PRDM10: variants seen among roughly 807,000 people sequenced by gnomAD.
The protein encoded by PRDM10 is PR/SET domain 10, also known as PR domain zinc finger protein 10.
Under a neutral mutation model 133.1 loss-of-function variants are expected in PRDM10, and 65 were observed. That is an observed-to-expected ratio of 0.49 (90% CI 0.40 to 0.60). PRDM10 has a LOEUF of 0.60. Ranked by LOEUF, PRDM10 falls within the 20% of genes least tolerant of loss-of-function variation. PRDM10 has a pLI of 0.00. For synonymous variants in PRDM10, 582 were observed against 580.4 expected (o/e 1.00, Z -0.04); for missense variants, 1,137 against 1,507.1 (o/e 0.75, Z 4.07).
At chr11:129,910,749 T>C in intron 18 of PRDM10, 93 bp from the exon 19 acceptor site, 1 of 1,129,928 alleles carries the variant, frequency 8.9e-7, no homozygotes, top group Non-Finnish European at 1.2e-6. Context: ...CAGACTCATA[T>C]GAATTATAAT....
At chr11:129,997,927 C>T (rs933622656) in intron 1 of PRDM10, among the ~76,000 whole-genome samples, 1 of 152,188 alleles carries the variant, frequency 6.6e-6, no homozygotes, top group Non-Finnish European at 1.5e-5. Context: ...AGTATCTTTT[C>T]ATTCAAATTA....
chr11:130,002,337 A>T (rs1024570165), intron 1 of PRDM10, among the ~76,000 whole-genome samples: 1 of 151,752 alleles, frequency 6.6e-6, no homozygotes, highest in African/African-American at 2.4e-5. Flanking sequence ...TCGCAGGGGG[A>T]GGCTGCGCGC....
intron 1 of PRDM10, among the ~76,000 whole-genome samples, chr11:129,982,086 C>G (rs1303185501): frequency 2.6e-5 from 4 of 151,712 alleles, no homozygotes; most frequent in African/African-American, 9.7e-5. Flanking sequence ...AACAAAACCC[C>G]GTCTCTACAA....
At chr11:129,941,113 T>C (rs1951190599) in intron 7 of PRDM10, among the ~76,000 whole-genome samples, 1 of 152,220 alleles carries the variant, frequency 6.6e-6, no homozygotes, top group African/African-American at 2.4e-5. Flanking sequence ...TGCATACCTT[T>C]TGAACAAAAT....
intron 15 of PRDM10, among the ~76,000 whole-genome samples, chr11:129,916,165 A>C (rs1591588673): frequency 6.6e-6 from 1 of 152,326 alleles, no homozygotes; most frequent in East Asian, 1.9e-4. Flanking sequence ...ACAGAGGAAG[A>C]TAATTGTTTT....
chr11:129,925,765 G>A (rs914776994), intron 11 of PRDM10, among the ~76,000 whole-genome samples: 7 of 152,164 alleles, frequency 4.6e-5, no homozygotes, highest in Admixed American at 2.6e-4. Flanking sequence ...CCTTGCCAGC[G>A]GCAGGATGGA....
chr11:129,969,531 T>G (rs147876787), intron 1 of PRDM10, among the ~76,000 whole-genome samples: 60 of 151,874 alleles, frequency 4.0e-4, no homozygotes, highest in Non-Finnish European at 1.5e-4. Context: ...CAGTGGCTCA[T>G]GCCTGTAATC....
chr11:129,998,630 C>T (rs1939184281), intron 1 of PRDM10, among the ~76,000 whole-genome samples: 1 of 152,142 alleles, frequency 6.6e-6, no homozygotes, highest in African/African-American at 2.4e-5. Flanking sequence ...TCCACTTCCT[C>T]ACCCGCTCCC....
chr11:130,000,425 A>C (rs1314861652), intron 1 of PRDM10, among the ~76,000 whole-genome samples: 1 of 152,208 alleles, frequency 6.6e-6, no homozygotes, highest in African/African-American at 2.4e-5. Context: ...AAACTTAGGT[A>C]GTGCCAATCA....
chr11:129,990,142 A>G (rs1938648510), intron 1 of PRDM10, among the ~76,000 whole-genome samples: 1 of 151,824 alleles, frequency 6.6e-6, no homozygotes, highest in East Asian at 1.9e-4. Context: ...TCAGGAGATC[A>G]AGACCATCCT....
chr11:129,946,590 C>T (rs973250775), intron 5 of PRDM10, among the ~76,000 whole-genome samples: 8 of 152,092 alleles, frequency 5.3e-5, no homozygotes, highest in African/African-American at 1.7e-4. Context: ...AGGGCGCTGC[C>T]GAGGGGCCAG....
chr11:129,939,368 T>C (rs573122278), intron 7 of PRDM10, among the ~76,000 whole-genome samples: 19 of 152,370 alleles, frequency 1.2e-4, no homozygotes, highest in South Asian at 1.0e-3. Context: ...TGTGGAATAA[T>C]AGTCTACATA....
chr11:129,990,390 C>T (rs780216603), intron 1 of PRDM10, among the ~76,000 whole-genome samples: 4 of 151,546 alleles, frequency 2.6e-5, no homozygotes, highest in Admixed American at 2.0e-4. Context: ...GGCGTGGTGG[C>T]GCATGCCTGT....
Position 129,998,892 on chromosome 11 carries a change from G to A in PRDM10, c.-119+3830C>T, listed in dbSNP as rs1377670803. On this transcript the variant is annotated intron_variant, in intron 1 of 20. Transcript: ENST00000360871. ...GGCTGGAGTGCAGTGGCGTGATCTC[G>A]GCTCACTGCAGCCGCTACTTCCGGG... is the stretch of plus-strand genomic sequence containing the variant. 2.0e-5 allele frequency among the ~76,000 whole-genome samples: 3 copies of A among 149,608 alleles called. No homozygotes were observed. In the East Asian group the frequency reaches 5.9e-4, roughly 29 times the overall value.
intron 1 of PRDM10, among the ~76,000 whole-genome samples, chr11:129,984,600 T>C (rs1438334744): frequency 6.6e-6 from 1 of 151,768 alleles, no homozygotes; most frequent in Non-Finnish European, 1.5e-5. Flanking sequence ...AATCCAGCGC[T>C]CCCCCACAGC....
intron 1 of PRDM10, among the ~76,000 whole-genome samples, chr11:129,973,968 T>G (rs1937630066): frequency 6.6e-6 from 1 of 152,242 alleles, no homozygotes; most frequent in Admixed American, 6.5e-5. Flanking sequence ...GCATTCTGCA[T>G]TCCCAGCGCG....
At chr11:129,968,766 C>A (rs1951956835) in intron 1 of PRDM10, among the ~76,000 whole-genome samples, 1 of 152,178 alleles carries the variant, frequency 6.6e-6, no homozygotes, top group Non-Finnish European at 1.5e-5. Context: ...TTGTGCCGTT[C>A]ACCCCACAGC....
At chr11:129,914,354 G>C (rs935944215) in intron 17 of PRDM10, among the ~76,000 whole-genome samples, 2 of 152,158 alleles carry the variant, frequency 1.3e-5, no homozygotes, top group Non-Finnish European at 2.9e-5. Context: ...TTGATACGCA[G>C]GTCGTGATTT....
chr11:129,990,317 G>T (rs1224986140), intron 1 of PRDM10, among the ~76,000 whole-genome samples: 2 of 151,720 alleles, frequency 1.3e-5, no homozygotes, highest in East Asian at 3.9e-4. Flanking sequence ...CTGCACTCCA[G>T]CCTGGGTGAC....
Sources: gnomAD v4.1 joint callset for allele counts (sites outside exome capture counted in the v4.1 genomes callset) on GRCh38, gnomAD v4.1.1 for gene constraint, MANE v1.5 for transcripts, NCBI Gene and HGNC (gene_info 2026-07-23, HGNC 2026-07-21) for gene names.